The following ZNF804B variants were observed in gnomAD, a reference collection of about 807,000 sequenced individuals.
ZNF804B encodes the protein zinc finger protein 804B.
A neutral mutation model predicts 101.4 loss-of-function variants in ZNF804B; 80 were observed. The ratio of observed to expected loss-of-function variants is 0.79; its 90% confidence interval spans 0.66 to 0.95. ZNF804B has a LOEUF of 0.95. Ranked by LOEUF, ZNF804B falls within the 40% of genes least tolerant of loss-of-function variation. The pLI, the probability that ZNF804B is intolerant of heterozygous loss-of-function variation, is 0.00. For missense variants in ZNF804B, 1,673 were observed against 1,561.9 expected (o/e 1.07, Z -1.20); for synonymous variants, 622 against 558.8 (o/e 1.11, Z -1.59).
chr7:89,315,727 T>C (rs1249507429), intron 2 of ZNF804B, among the ~76,000 whole-genome samples: 2 of 151,414 alleles, frequency 1.3e-5, no homozygotes, highest in Non-Finnish European at 2.9e-5. Context: ...TGGCTCTAAA[T>C]ACACACACAC....
chr7:88,978,915 G>C (rs1345930530), intron 1 of ZNF804B, among the ~76,000 whole-genome samples: 2 of 142,284 alleles, frequency 1.4e-5, no homozygotes, highest in African/African-American at 5.2e-5. Flanking sequence ...TTAATTTCTT[G>C]ATATATATGT....
chr7:89,145,968 A>G (rs1011546720), intron 1 of ZNF804B, among the ~76,000 whole-genome samples: 4 of 152,112 alleles, frequency 2.6e-5, no homozygotes, highest in African/African-American at 4.8e-5. Flanking sequence ...TTCTGGCATG[A>G]TACCAAAATG....
intron 1 of ZNF804B, among the ~76,000 whole-genome samples, chr7:88,946,285 T>G (rs1332464670): frequency 3.5e-5 from 3 of 86,650 alleles, no homozygotes; most frequent in African/African-American, 1.5e-4. Context: ...TATTGAGAGT[T>G]TTTTTTTTTA....
At chr7:89,261,640 T>G (rs1789713815) in intron 2 of ZNF804B, among the ~76,000 whole-genome samples, 1 of 152,196 alleles carries the variant, frequency 6.6e-6, no homozygotes, top group South Asian at 2.1e-4. Flanking sequence ...TATAGCCTAC[T>G]ACACACCTAA....
At chr7:88,948,176 A>G (rs1016952561) in intron 1 of ZNF804B, among the ~76,000 whole-genome samples, 5 of 151,816 alleles carry the variant, frequency 3.3e-5, no homozygotes, top group African/African-American at 9.7e-5. Context: ...ATGGGATTTT[A>G]AGACCCTCAT....
At chr7:88,972,668 A>G (rs1793555019) in intron 1 of ZNF804B, among the ~76,000 whole-genome samples, 1 of 151,350 alleles carries the variant, frequency 6.6e-6, no homozygotes, top group East Asian at 2.0e-4. Context: ...TGAAATTTTT[A>G]TCATCTTTGA....
At chr7:88,997,781 C>A (rs1788223433) in intron 1 of ZNF804B, among the ~76,000 whole-genome samples, 2 of 152,104 alleles carry the variant, frequency 1.3e-5, no homozygotes, top group Non-Finnish European at 2.9e-5. Context: ...TGCTAAGGCA[C>A]CTTCCTCTCC....
intron 2 of ZNF804B, among the ~76,000 whole-genome samples, chr7:89,246,733 A>G (rs573155466): frequency 6.6e-6 from 1 of 152,266 alleles, no homozygotes; most frequent in South Asian, 2.1e-4. Context: ...ACTCACCTGG[A>G]TAAGCAGCCT....
intron 1 of ZNF804B, among the ~76,000 whole-genome samples, chr7:89,076,417 G>T (rs1274193835): frequency 6.6e-6 from 1 of 152,122 alleles, no homozygotes; most frequent in Non-Finnish European, 1.5e-5. Flanking sequence ...ATCCATGTAA[G>T]ACGTGACTTG....
chr7:88,854,414 CCTTTCTTTCTTTCTTTCTTT>C (rs71120039), intron 1 of ZNF804B, among the ~76,000 whole-genome samples: 1 of 57,076 alleles, frequency 1.8e-5, no homozygotes, highest in Non-Finnish European at 3.6e-5. Context: ...TTTCTTTCTT[CCTTTCTTTCTTTCTTTCTTT>C]CTTTCTTTCT....
intron 1 of ZNF804B, among the ~76,000 whole-genome samples, chr7:89,130,969 G>A (rs886987265): frequency 6.6e-6 from 1 of 151,862 alleles, no homozygotes; most frequent in Non-Finnish European, 1.5e-5. Flanking sequence ...TGTAAAACTG[G>A]AATATAGCTT....
At chr7:89,004,348 A>T (rs1788339352) in intron 1 of ZNF804B, among the ~76,000 whole-genome samples, 1 of 151,874 alleles carries the variant, frequency 6.6e-6, no homozygotes, top group African/African-American at 2.4e-5. Context: ...TCTCATGAAT[A>T]ATTTAGTTAT....
intron 1 of ZNF804B, among the ~76,000 whole-genome samples, chr7:89,044,127 T>C (rs1427375167): frequency 6.6e-6 from 1 of 152,110 alleles, no homozygotes; most frequent in Admixed American, 6.5e-5. Context: ...AACTGAACCA[T>C]AGAGATGGTT....
At chr7:89,273,381 G>A (rs2115844999) in intron 2 of ZNF804B, among the ~76,000 whole-genome samples, 1 of 152,202 alleles carries the variant, frequency 6.6e-6, no homozygotes, top group African/African-American at 2.4e-5. Context: ...AAGGGTTATA[G>A]ATGAAAGGTA....
chr7:89,019,331 T>C (rs987778759), intron 1 of ZNF804B, among the ~76,000 whole-genome samples: 4 of 152,204 alleles, frequency 2.6e-5, no homozygotes, highest in Admixed American at 2.6e-4. Context: ...TATTCTATTG[T>C]GGTCTAAAAC....
chr7:89,033,833 C>T (rs1269472529), intron 1 of ZNF804B, among the ~76,000 whole-genome samples: 2 of 151,782 alleles, frequency 1.3e-5, no homozygotes, highest in Non-Finnish European at 2.9e-5. Flanking sequence ...GGTGAAAGGT[C>T]TTTCTGCTTT....
At chr7:89,286,649 C>T (rs901094024) in intron 2 of ZNF804B, among the ~76,000 whole-genome samples, 3 of 152,144 alleles carry the variant, frequency 2.0e-5, no homozygotes, top group African/African-American at 7.2e-5. Context: ...TGAATGCTTC[C>T]AAGCTAATGC....
intron 1 of ZNF804B, among the ~76,000 whole-genome samples, chr7:89,046,002 C>T (rs1171902660): frequency 6.6e-6 from 1 of 151,994 alleles, no homozygotes; most frequent in Non-Finnish European, 1.5e-5. Context: ...CCCATAATCC[C>T]CAGGTTTCAT....
chr7:88,936,110 T>A (rs542685753), intron 1 of ZNF804B, among the ~76,000 whole-genome samples: 121 of 150,840 alleles, frequency 8.0e-4, no homozygotes, highest in South Asian at 2.3e-3. Context: ...CCTTTTTTTT[T>A]TTAAAAAAAA....
Sources: gnomAD v4.1 joint callset for allele counts (sites outside exome capture counted in the v4.1 genomes callset) on GRCh38, gnomAD v4.1.1 for gene constraint, MANE v1.5 for transcripts, NCBI Gene and HGNC (gene_info 2026-07-23, HGNC 2026-07-21) for gene names.